The following ZNF654 variants were observed in gnomAD, a reference collection of about 807,000 sequenced individuals.
ZNF654 encodes the protein melanoma-associated antigen.
Under a neutral mutation model 95.3 loss-of-function variants are expected in ZNF654, and 19 were observed. The observed-to-expected ratio is 0.20, with a 90% CI of 0.14 to 0.29. ZNF654 has a LOEUF of 0.29. ZNF654 is among the 10% of genes least tolerant of loss of function. The pLI, the probability that ZNF654 is intolerant of heterozygous loss-of-function variation, is 1.00. For synonymous variants in ZNF654, 413 were observed against 457.9 expected, an observed-to-expected ratio of 0.90 and a Z score of 1.25; for missense variants, 1,046 against 1,341.0, an observed-to-expected ratio of 0.78 and a Z score of 3.44.
intron 2 of ZNF654, among the ~76,000 whole-genome samples, chr3:88,106,872 A>T (rs1704773681): frequency 6.6e-6 from 1 of 152,046 alleles, no homozygotes; most frequent in Admixed American, 6.6e-5. Flanking sequence ...GAAGAAGTGA[A>T]TTTTTCCCTG....
Position 88,140,066 on chromosome 3 carries a change from T to C in ZNF654, c.2397T>C (p.Ser799=), listed in dbSNP as rs758971210. 6.8e-6 allele frequency: 11 copies of C among 1,613,808 alleles called. No homozygotes were observed. Among genetic ancestry groups the C allele is most frequent in the Non-Finnish European group, 9.3e-6 (11 of 1,179,770 alleles). Residue 799 remains serine (S), a synonymous_variant, in exon 8 of 9, where the codon TCT becomes TCC. Coordinates refer to ENST00000636215, the MANE Select transcript of ZNF654 (RefSeq NM_001350134.2). ...TTTGTCAAAGGCAATTTGAAGATTC[T>C]CAACATTTTATAGACCACCTTAATA... The part of the protein sequence containing the change: ...CKFCQRQFED[S]QHFIDHLNRH...
intron 6 of ZNF654, among the ~76,000 whole-genome samples, chr3:88,130,255 A>G (rs1201048451): frequency 6.6e-6 from 1 of 152,196 alleles, no homozygotes; most frequent in East Asian, 1.9e-4. Context: ...GTACACCCAT[A>G]TACACACATA....
At position 88,086,343 on chromosome 3, in the gene ZNF654, C is replaced by T. The variant is rs1708335173; in HGVS notation, c.273C>T (p.Ala91=). Reference sequence around the variant, plus strand: ...CTGCCCTTTGTTGTTTTACAACAGCCAGTGCATCATTCCCAGATGAATGTG... The same window carrying T: ...CTGCCCTTTGTTGTTTTACAACAGCTAGTGCATCATTCCCAGATGAATGTG... ...LQTALCCFTT[A]SASFPDECEH... The change falls in exon 2 of 9, where the codon GCC becomes GCT. Residue 91 remains alanine (A), a synonymous_variant. Transcript: ENST00000636215. 6.5e-7 allele frequency: 1 copy of T among 1,535,306 alleles called. No individual in the cohort carries two copies. The highest frequency in any genetic ancestry group is 1.4e-5 in the African/African-American group (1 of 73,010).
intron 3 of ZNF654, among the ~76,000 whole-genome samples, chr3:88,118,599 C>T (rs1705559145): frequency 6.6e-6 from 1 of 152,116 alleles, no homozygotes; most frequent in South Asian, 2.1e-4. Flanking sequence ...CTCTAGAGTA[C>T]TTGGAATAAG....
chr3:88,064,200 ACTGG>A (rs1707064639), intron 1 of ZNF654, among the ~76,000 whole-genome samples: 1 of 150,878 alleles, frequency 6.6e-6, no homozygotes, highest in East Asian at 1.9e-4. Context: ...AGAGGCTATC[ACTGG>A]CAACTCTTTC....
At chr3:88,122,360 C>T (rs1227393895) in intron 3 of ZNF654, among the ~76,000 whole-genome samples, 3 of 152,110 alleles carry the variant, frequency 2.0e-5, no homozygotes, top group African/African-American at 4.8e-5. Context: ...AGTGGTAAGA[C>T]TTTCATCCTA....
chr3:88,097,337 C>T (rs1230483199), intron 2 of ZNF654, among the ~76,000 whole-genome samples: 2 of 151,736 alleles, frequency 1.3e-5, no homozygotes, highest in Non-Finnish European at 2.9e-5. Context: ...AAGAGAGAAC[C>T]AGTTTTCTCA....
At chr3:88,141,608 A>G (rs377244287) in intron 8 of ZNF654, 37 bp from the exon 9 acceptor site, 44 of 1,433,756 alleles carry the variant, frequency 3.1e-5, no homozygotes, top group South Asian at 7.8e-5. Context: ...TCGAATGTCA[A>G]TAAAACTTGC....
chr3:88,065,235 A>G (rs1484544619), intron 1 of ZNF654, among the ~76,000 whole-genome samples: 2 of 152,096 alleles, frequency 1.3e-5, no homozygotes, highest in African/African-American at 4.8e-5. Context: ...AAACAAATGA[A>G]CCTTAGATGT....
At chr3:88,059,671 G>GGCGGGGA (rs1349075485) in intron 1 of ZNF654, among the ~76,000 whole-genome samples, 166 bp downstream of exon 1, 1 of 151,750 alleles carries the variant, frequency 6.6e-6, no homozygotes. Flanking sequence ...TGGGGTGGGG[G>GGCGGGGA]GCGGGGAGCA....
At chr3:88,134,153 G>A (rs1261809304) in intron 6 of ZNF654, among the ~76,000 whole-genome samples, 1 of 151,176 alleles carries the variant, frequency 6.6e-6, no homozygotes, top group Non-Finnish European at 1.5e-5. Context: ...TAAATAGCTA[G>A]TATGAAATGG....
chr3:88,104,522 A>G (rs1704618545), intron 2 of ZNF654, among the ~76,000 whole-genome samples: 1 of 152,266 alleles, frequency 6.6e-6, no homozygotes, highest in Non-Finnish European at 1.5e-5. Flanking sequence ...TGCCAGGAAT[A>G]AAGCAAAAAT....
intron 6 of ZNF654, among the ~76,000 whole-genome samples, chr3:88,134,632 T>C (rs115113218): frequency 0.011 from 1,646 of 152,252 alleles, 18 homozygotes; most frequent in African/African-American, 0.038. Flanking sequence ...TTAGTACTTT[T>C]GATATCTTAA....
Position 88,141,636 on chromosome 3 carries a change from G to A in ZNF654, c.3380-9G>A. Reference sequence around the variant, plus strand: ...AAACTTGCATTAACAGATGTGTTCTGTTTTACAGGTGCCTGATGAAAACGG... The same window carrying A: ...AAACTTGCATTAACAGATGTGTTCTATTTTACAGGTGCCTGATGAAAACGG... On this transcript the variant is annotated splice_polypyrimidine_tract_variant and intron_variant, in intron 8 of 8. Transcript: ENST00000636215. 1 of 1,503,476 alleles carries A rather than the reference G, an allele frequency of 6.7e-7. No individual in the cohort carries two copies. The highest frequency in any genetic ancestry group is 9.0e-7 in the Non-Finnish European group (1 of 1,111,968). 93.1% of individuals were successfully genotyped at this position (1,503,476 alleles called of 1,614,324 possible).
intron 8 of ZNF654, among the ~76,000 whole-genome samples, chr3:88,141,360 ATTC>A (rs1707119800): frequency 6.6e-6 from 1 of 152,082 alleles, no homozygotes; most frequent in Non-Finnish European, 1.5e-5. Flanking sequence ...ATCAAAGGTT[ATTC>A]TTCATTCCAA....
At chr3:88,073,560 C>T (rs950947152) in intron 1 of ZNF654, among the ~76,000 whole-genome samples, 8 of 152,112 alleles carry the variant, frequency 5.3e-5, no homozygotes, top group African/African-American at 1.9e-4. Context: ...ATTATGTATA[C>T]TAAAGTACTT....
At chr3:88,088,113 A>T (rs1267540150) in intron 2 of ZNF654, among the ~76,000 whole-genome samples, 1 of 152,230 alleles carries the variant, frequency 6.6e-6, no homozygotes, top group Admixed American at 6.5e-5. Context: ...ATATAAATTA[A>T]ATAACCTTGG....
At chr3:88,084,544 A>G (rs2107656264) in intron 1 of ZNF654, among the ~76,000 whole-genome samples, 1 of 152,332 alleles carries the variant, frequency 6.6e-6, no homozygotes, top group South Asian at 2.1e-4. Flanking sequence ...GAGCCAGACG[A>G]GATACAAGTT....
At chr3:88,101,328 T>A (rs1704411084) in intron 2 of ZNF654, among the ~76,000 whole-genome samples, 2 of 152,204 alleles carry the variant, frequency 1.3e-5, no homozygotes, top group African/African-American at 4.8e-5. Flanking sequence ...TTTCTATCTC[T>A]ATAGAGTTGC....
Sources: allele counts gnomAD v4.1 joint callset (sites outside exome capture counted in the v4.1 genomes callset), GRCh38; gene constraint gnomAD v4.1.1; transcripts MANE v1.5; gene names NCBI Gene and HGNC (gene_info 2026-07-23, HGNC 2026-07-21).